Variants in POPDC2 observed in about 807,000 individuals in gnomAD.
The protein encoded by POPDC2 is popeye domain-containing protein 2.
POPDC2 carries 24 observed loss-of-function variants against 30.5 expected under a neutral mutation model. That is an observed-to-expected ratio of 0.79 (90% CI 0.57 to 1.11). The LOEUF (loss-of-function observed/expected upper bound fraction) is 1.11, where lower values mean the gene tolerates loss of function less well. Ranked by LOEUF, POPDC2 falls within the 50% of genes least tolerant of loss-of-function variation. The pLI, the probability that POPDC2 is intolerant of heterozygous loss-of-function variation, is 0.00. For synonymous variants in POPDC2, 185 were observed against 183.3 expected, an observed-to-expected ratio of 1.01 and a Z score of -0.07; for missense variants, 409 against 447.0, an observed-to-expected ratio of 0.91 and a Z score of 0.77.
chr3:119,648,361 G>C lies in POPDC2; in HGVS notation c.908C>G (p.Ser303Cys), dbSNP rs1436862231. ...AVSPPQATPT[S>C]LQQTPPCSTP... ...AGAACAAGGGGGTGTTTGCTGGAGA[G>C]AGGTGGGTGTGGCCTGAGGAGGGGA... Residue 303 changes from serine (S) to cysteine (C), a missense_variant, in exon 3 of 4, where the codon TCT (serine) becomes TGT (cysteine). Ser to Cys is a moderately radical substitution (Grantham distance 112, BLOSUM62 -1). Transcript: ENST00000493094. 1 of 1,614,174 alleles carries C rather than the reference G, an allele frequency of 6.2e-7. No individual in the cohort carries two copies.
intron 2 of POPDC2, among the ~76,000 whole-genome samples, chr3:119,652,941 G>A (rs548536711): frequency 3.7e-4 from 56 of 152,244 alleles, no homozygotes; most frequent in African/African-American, 1.3e-3. Flanking sequence ...GGGACTCCCT[G>A]ATAAAAGTAG....
In POPDC2 at chr3:119,648,384, G is replaced by T; in HGVS notation, c.885C>A (p.Ser295=). ...GDEEVCEPAV[S]PPQATPTSLQ... is the part of the protein sequence containing the mutation. ...GAGAGGTGGGTGTGGCCTGAGGAGG[G>T]GACACAGCTGGCTCACAGACTTCCT... is the stretch of plus-strand genomic sequence containing the variant. Residue 295 remains serine (S), a synonymous_variant, in exon 3 of 4, where the codon TCC becomes TCA. Coordinates refer to ENST00000493094, the MANE Select transcript of POPDC2 (RefSeq NM_001369919.2). 6.2e-7 allele frequency: 1 copy of T among 1,614,114 alleles called. No individual in the cohort carries two copies. The highest frequency in any genetic ancestry group is 8.5e-7 in the Non-Finnish European group (1 of 1,180,024).
At chr3:119,659,183 C>G (rs1204302429) in intron 1 of POPDC2, among the ~76,000 whole-genome samples, 3 of 152,348 alleles carry the variant, frequency 2.0e-5, no homozygotes, top group Admixed American at 1.3e-4. Context: ...CTGCCCATAT[C>G]TGACTGTCAG....
upstream of POPDC2, chr3:119,660,793 T>G: frequency 5.3e-6 from 1 of 189,826 alleles, no homozygotes; most frequent in Non-Finnish European, 1.1e-5. Flanking sequence ...ACCTAAATAG[T>G]CCCAAGGGAA....
At chr3:119,659,161 C>A (rs1164554920) in intron 1 of POPDC2, among the ~76,000 whole-genome samples, 1 of 152,214 alleles carries the variant, frequency 6.6e-6, no homozygotes, top group African/African-American at 2.4e-5. Flanking sequence ...CTGATCCTGA[C>A]TAAGACCATT....
chr3:119,660,469 C>A lies in POPDC2; in HGVS notation c.-46G>T. On this transcript the variant is annotated 5_prime_UTR_variant, in exon 1 of 4. The change abolishes an upstream ATG in the 5' untranslated region. Transcript: ENST00000493094. ...TCACTGGGCTCTAATACTGTCCTCA[C>A]ATAGGAAATTCAGAAAATGAATGAA... 6.4e-7 allele frequency: 1 copy of A among 1,553,004 alleles called. No homozygotes were observed. The highest frequency in any genetic ancestry group is 8.7e-7 in the Non-Finnish European group (1 of 1,148,946).
At chr3:119,643,783 G>A (rs554488079) in intron 3 of POPDC2, among the ~76,000 whole-genome samples, 18 of 152,076 alleles carry the variant, frequency 1.2e-4, no homozygotes, top group Non-Finnish European at 1.8e-4. Flanking sequence ...TAAAATCCCT[G>A]AGATTTCTTA....
At chr3:119,651,782 C>T (rs143467049) in intron 2 of POPDC2, among the ~76,000 whole-genome samples, 1,708 of 152,138 alleles carry the variant, frequency 0.011, 26 homozygotes, top group African/African-American at 0.038. Flanking sequence ...ATTATAGGCA[C>T]CTGCCACCAC....
At chr3:119,656,044 G>C (rs1316916548) in intron 1 of POPDC2, among the ~76,000 whole-genome samples, 1 of 152,104 alleles carries the variant, frequency 6.6e-6, no homozygotes, top group Non-Finnish European at 1.5e-5. Flanking sequence ...ATCATGCCTT[G>C]GATGGGGACA....
chr3:119,649,248 T>G (rs1364512170), intron 2 of POPDC2, among the ~76,000 whole-genome samples: 1 of 152,086 alleles, frequency 6.6e-6, no homozygotes, highest in Non-Finnish European at 1.5e-5. Flanking sequence ...CTTGGCCATT[T>G]CAAGTAACCA....
At position 119,660,091 on chromosome 3, in the gene POPDC2, G is replaced by A; in HGVS notation, c.333C>T (p.Leu111=). The A allele has an allele frequency of 6.2e-7, 1 of 1,614,210 alleles. No homozygotes were observed. Among genetic ancestry groups the A allele is most frequent in the African/African-American group, 1.3e-5 (1 of 75,058 alleles). The change falls in exon 1 of 4, where the codon CTC becomes CTT. Residue 111 remains leucine (L), a synonymous_variant. Transcript: ENST00000493094. ...EDTLPEEFDL[L]YKTLCLPLQV... Reference sequence around the variant, plus strand: ...GCAAGGGCAGGCACAGCGTCTTGTAGAGGAGGTCAAACTCCTCAGGGAGGG... The same window carrying A: ...GCAAGGGCAGGCACAGCGTCTTGTAAAGGAGGTCAAACTCCTCAGGGAGGG...
At chr3:119,645,558 G>C (rs970515116) in intron 3 of POPDC2, among the ~76,000 whole-genome samples, 2 of 114,192 alleles carry the variant, frequency 1.8e-5, no homozygotes, top group African/African-American at 6.8e-5. Context: ...GCGAGACTCC[G>C]TCTCAAACAA....
In POPDC2 at chr3:119,648,304, G is replaced by C. The variant is rs1159036985; in HGVS notation, c.965C>G (p.Pro322Arg). The change falls in exon 3 of 4, where the codon CCT becomes CGT. Residue 322 changes from proline to arginine, a missense_variant. Coordinates refer to ENST00000493094, the MANE Select transcript of POPDC2 (RefSeq NM_001369919.2). Reference sequence around the variant, plus strand: ...CCTGGACAACCTGGCCCGGGTAGGAGGTGCAGGAAAGTTGGTGGTAGCTGG... The same window carrying C: ...CCTGGACAACCTGGCCCGGGTAGGACGTGCAGGAAAGTTGGTGGTAGCTGG... ...TPPATTNFPAPPTRARLSRPD... is the reference protein window; with the variant it reads ...TPPATTNFPARPTRARLSRPD... 4 of 1,614,038 alleles carry C rather than the reference G, an allele frequency of 2.5e-6. No homozygotes were observed. In the African/African-American group the frequency reaches 5.3e-5, roughly 22 times the overall value.
At chr3:119,653,070 GTA>G (rs1425690527) in intron 2 of POPDC2, among the ~76,000 whole-genome samples, 136 of 100,860 alleles carry the variant, frequency 1.3e-3, no homozygotes, top group Non-Finnish European at 1.3e-3. Context: ...GTGTGTGTGT[GTA>G]TGTGTGTGTG....
Position 119,660,351 on chromosome 3 carries a change from C to A in POPDC2, c.73G>T (p.Val25Leu), listed in dbSNP as rs1294767371. The change falls in exon 1 of 4, where the codon GTG becomes TTG. Residue 25 changes from valine to leucine, a missense_variant. Val to Leu is a conservative substitution (Grantham distance 32). Transcript: ENST00000493094. ...GCTAGGTGGTAGACAGCCCCTTCCA[C>A]ATCCTGCTTCCACCTAATGCACGCT... is the stretch of plus-strand genomic sequence containing the variant. Reference protein sequence around the residue: ...GSACIRWKQDVEGAVYHLANC... With the variant: ...GSACIRWKQDLEGAVYHLANC... 1 of 1,614,206 alleles carries A rather than the reference C, an allele frequency of 6.2e-7. No homozygotes were observed. The highest frequency in any genetic ancestry group is 1.7e-5 in the Admixed American group (1 of 60,030).
At chr3:119,648,092 T>A in intron 3 of POPDC2, 27 bp downstream of exon 3, 1 of 1,428,804 alleles carries the variant, frequency 7.0e-7, no homozygotes, top group Non-Finnish European at 9.2e-7. Context: ...GACAGGAATG[T>A]GCAGCGGCTG....
rs1418849536 is a variant in POPDC2 at position 119,648,499 on chromosome 3, CCAAACTTAG to C, written c.761_769del (p.Ala254_Phe256del). The C allele has an allele frequency of 6.2e-7, 1 of 1,613,956 alleles. No individual in the cohort carries two copies. Among genetic ancestry groups the C allele is most frequent in the Admixed American group, 1.7e-5 (1 of 59,996 alleles). ...GGGAAGGCGGATGTCAAAGCGCAGC[CCAAACTTAG>C]CAAAGAGCTTGTCATTGAGAGTGTA... On this transcript the variant is annotated inframe_deletion, in exon 3 of 4. Transcript: ENST00000493094.
At position 119,642,666 on chromosome 3, in the gene POPDC2, A is replaced by G. The variant is rs78903440; in HGVS notation, c.*44-105T>C. ...TTTTTCTTTCCTTTACCAATTCCCA[A>G]TGTTTTAACTGTACTCACTGCCTGA... On this transcript the variant is annotated intron_variant, in intron 3 of 3. Coordinates refer to ENST00000493094, the MANE Select transcript of POPDC2 (RefSeq NM_001369919.2). 1,586 of 720,702 alleles carry G rather than the reference A, an allele frequency of 2.2e-3. 12 individuals are homozygous for G. The African/African-American group carries it at 0.023, about 10-fold the overall frequency. 44.6% of individuals were successfully genotyped at this position (720,702 alleles called of 1,614,324 possible). A position where few individuals can be genotyped will look rare whatever the true frequency, so the allele number is the denominator to read the frequency against.
At chr3:119,653,491 T>G (rs2052840460) in intron 2 of POPDC2, among the ~76,000 whole-genome samples, 1 of 151,820 alleles carries the variant, frequency 6.6e-6, no homozygotes, top group Non-Finnish European at 1.5e-5. Context: ...TTTTTTTTTT[T>G]TTTTGAGACG....
Sources: gnomAD v4.1 joint callset for allele counts (sites outside exome capture counted in the v4.1 genomes callset) on GRCh38, gnomAD v4.1.1 for gene constraint, MANE v1.5 for transcripts, NCBI Gene and HGNC (gene_info 2026-07-23, HGNC 2026-07-21) for gene names.